Variants in VWDE observed in about 807,000 individuals in gnomAD.
The protein encoded by VWDE is von Willebrand factor D and EGF domains, also known as von Willebrand factor D and EGF domain-containing protein.
Under a neutral mutation model 178.4 loss-of-function variants are expected in VWDE, and 207 were observed. The observed-to-expected ratio is 1.16, with a 90% CI of 1.04 to 1.30. VWDE has a LOEUF of 1.30. Among genes scored for constraint, VWDE ranks in the 50% most tolerant of loss-of-function variants. VWDE has a pLI of 0.00. For missense variants in VWDE, 2,287 were observed against 1,901.3 expected (o/e 1.20, Z -3.77); for synonymous variants, 738 against 651.4 (o/e 1.13, Z -2.02).
chr7:12,374,390 A>G (rs1190258468), intron 9 of VWDE, among the ~76,000 whole-genome samples: 1 of 152,078 alleles, frequency 6.6e-6, no homozygotes, highest in African/African-American at 2.4e-5. Context: ...TTTAGAGTAA[A>G]TAATTTAATC....
rs186301866 is a variant in VWDE at position 12,333,499 on chromosome 7, T to C, written c.4724A>G (p.Glu1575Gly). Residue 1575 changes from glutamate to glycine, a missense_variant, in exon 28 of 29, where the codon GAA becomes GGA. Transcript: ENST00000275358. ...CTTCTCACATTTGACTCCAGAGTATTCAGTGCGGCAGGAACACACATTGGG... is the reference window on the plus strand; with the variant it reads ...CTTCTCACATTTGACTCCAGAGTATCCAGTGCGGCAGGAACACACATTGGG... ...IFPNVCSCRT[E>G]YSGVKCEKKI... 950 of 1,550,956 alleles carry C rather than the reference T, an allele frequency of 6.1e-4. 12 individuals are homozygous for C. The African/African-American group carries it at 0.012, about 19-fold the overall frequency.
intron 19 of VWDE, among the ~76,000 whole-genome samples, chr7:12,347,801 T>G (rs536080388): frequency 3.9e-3 from 590 of 152,108 alleles, no homozygotes; most frequent in Non-Finnish European, 6.3e-3. Flanking sequence ...GCTGGAGGCA[T>G]CACACTACCT....
At chr7:12,346,069 A>T (rs1271424446) in intron 19 of VWDE, among the ~76,000 whole-genome samples, 2 of 152,184 alleles carry the variant, frequency 1.3e-5, no homozygotes, top group African/African-American at 4.8e-5. Context: ...GTATCTACAC[A>T]TGTCTAACAT....
At chr7:12,399,912 A>C (rs1784820645) in intron 1 of VWDE, among the ~76,000 whole-genome samples, 1 of 152,196 alleles carries the variant, frequency 6.6e-6, no homozygotes, top group Non-Finnish European at 1.5e-5. Context: ...ATTAGAACTC[A>C]ATAACAATGA....
intron 13 of VWDE, among the ~76,000 whole-genome samples, chr7:12,367,057 TTA>T (rs1465464043): frequency 1.3e-5 from 2 of 152,034 alleles, no homozygotes; most frequent in African/African-American, 4.8e-5. Flanking sequence ...TGTCTCTTCT[TTA>T]TGTTTTTACA....
At chr7:12,389,743 T>G (rs1255494794) in intron 2 of VWDE, among the ~76,000 whole-genome samples, 1 of 152,160 alleles carries the variant, frequency 6.6e-6, no homozygotes, top group Non-Finnish European at 1.5e-5. Flanking sequence ...CTTGGAAAAC[T>G]CTTGCAAAAT....
Position 12,370,687 on chromosome 7 carries a change from T to TA in VWDE, c.1764dup (p.Asn589Ter). The TA allele has an allele frequency of 1.3e-6, 2 of 1,551,194 alleles. No homozygotes were observed. Among genetic ancestry groups the TA allele is most frequent in the Non-Finnish European group, 1.7e-6 (2 of 1,146,684 alleles). ...TCATTAATAAAAGCAACATAATTGT[T>TA]AAAATTTTGATCAATTTGCATCCCA... On this transcript the variant is annotated frameshift_variant, in exon 11 of 29. Transcript: ENST00000275358. LOFTEE classifies it high-confidence loss of function.
At chr7:12,336,411 G>T (rs1334644397) in intron 26 of VWDE, among the ~76,000 whole-genome samples, 175 bp from the exon 27 acceptor site, 1 of 152,162 alleles carries the variant, frequency 6.6e-6, no homozygotes. Context: ...CATATTCTTG[G>T]AAAATGTGAC....
intron 10 of VWDE, 60 bp downstream of exon 10, chr7:12,372,917 G>A (rs903817581): frequency 6.9e-7 from 1 of 1,443,364 alleles, no homozygotes; most frequent in African/African-American, 1.4e-5. Context: ...ATTTAATAGA[G>A]ATGTTTATCT....
Position 12,369,827 on chromosome 7 carries a change from G to A in VWDE, c.2479C>T (p.Leu827Phe). The A allele has an allele frequency of 1.3e-6, 2 of 1,551,472 alleles. No homozygotes were observed. The highest frequency in any genetic ancestry group is 1.7e-6 in the Non-Finnish European group (2 of 1,146,890). The change falls in exon 12 of 29, where the codon CTT (leucine) becomes TTT (phenylalanine). Residue 827 changes from leucine (L) to phenylalanine (F), a missense_variant. Leu to Phe is a conservative substitution (Grantham distance 22). Transcript: ENST00000275358. The stretch of plus-strand genomic sequence containing the variant: ...ATAACACTGTCTAATCTCTTGCCAA[G>A]AAAAGCAAGACACAGCCTTCCTATG... ...SSIGRLCLAFLGKRLDSVIEM... is the reference protein window; with the variant it reads ...SSIGRLCLAFFGKRLDSVIEM...
intron 7 of VWDE, among the ~76,000 whole-genome samples, chr7:12,377,030 AT>A (rs1172455218): frequency 1.3e-5 from 2 of 152,078 alleles, no homozygotes; most frequent in Non-Finnish European, 2.9e-5. Flanking sequence ...GTGAAAATGT[AT>A]GTGGTATGCC....
chr7:12,403,096 C>T (rs1784985782), intron 1 of VWDE, among the ~76,000 whole-genome samples: 1 of 152,028 alleles, frequency 6.6e-6, no homozygotes, highest in East Asian at 1.9e-4. Context: ...GGGGAGTATT[C>T]GCTCCACAGA....
Position 12,370,462 on chromosome 7 carries a change from G to A in VWDE, c.1844C>T (p.Thr615Ile). 6.5e-7 allele frequency: 1 copy of A among 1,542,456 alleles called. No individual in the cohort carries two copies. Among genetic ancestry groups the A allele is most frequent in the Non-Finnish European group, 8.7e-7 (1 of 1,146,602 alleles). ...ACAATAGGATGGCTTTCCAGGTGAT[G>A]TCATAGAAACTGGCAGTGTGTCAGA... ...SMSDTLPVSM[T>I]SPGKPSYCSC... The change falls in exon 12 of 29, where the codon ACA becomes ATA. Residue 615 changes from threonine (T) to isoleucine (I), a missense_variant. Coordinates refer to ENST00000275358, the MANE Select transcript of VWDE (RefSeq NM_001135924.3).
intron 3 of VWDE, among the ~76,000 whole-genome samples, chr7:12,387,406 C>A (rs1784155987): frequency 6.6e-6 from 1 of 151,864 alleles, no homozygotes; most frequent in Non-Finnish European, 1.5e-5. Flanking sequence ...ATTATTTTTG[C>A]TGACATTAAG....
At position 12,360,140 on chromosome 7, in the gene VWDE, CT is replaced by C. The variant is rs1364712768; in HGVS notation, c.3160-449del. On this transcript the variant is annotated intron_variant, in intron 15 of 28. Transcript: ENST00000275358. ...GTGAACACAGCCAACTAGACCAGAT[CT>C]TTGGCATAATTATATCCACACTTGA... Among the ~76,000 whole-genome samples, 8 of 152,108 alleles carry C rather than the reference CT, an allele frequency of 5.3e-5. 1 individual carries two copies. Among genetic ancestry groups the C allele is most frequent in the Admixed American group, 5.2e-4 (8 of 15,266 alleles).
At chr7:12,340,757 C>T (rs1011347705) in intron 23 of VWDE, among the ~76,000 whole-genome samples, 2 of 152,116 alleles carry the variant, frequency 1.3e-5, no homozygotes, top group Admixed American at 1.3e-4. Context: ...CTTCACTAAG[C>T]TAGAAGAAAC....
chr7:12,374,509 A>T (rs974462461), intron 9 of VWDE, among the ~76,000 whole-genome samples, 180 bp downstream of exon 9: 1 of 152,114 alleles, frequency 6.6e-6, no homozygotes, highest in Non-Finnish European at 1.5e-5. Context: ...ACTAAGAATT[A>T]GATTTTAAGG....
intron 24 of VWDE, among the ~76,000 whole-genome samples, chr7:12,338,408 ATATT>A (rs1438328384): frequency 6.6e-6 from 1 of 151,854 alleles, no homozygotes; most frequent in Non-Finnish European, 1.5e-5. Context: ...TAGAAAATAT[ATATT>A]CTTTCTACTA....
At chr7:12,385,971 T>C (rs1257158142) in intron 3 of VWDE, among the ~76,000 whole-genome samples, 1 of 152,164 alleles carries the variant, frequency 6.6e-6, no homozygotes, top group Non-Finnish European at 1.5e-5. Flanking sequence ...TGTCATAAAA[T>C]GCAAATTTTA....
Sources: gnomAD v4.1 joint callset for allele counts (sites outside exome capture counted in the v4.1 genomes callset) on GRCh38, gnomAD v4.1.1 for gene constraint, MANE v1.5 for transcripts, NCBI Gene and HGNC (gene_info 2026-07-23, HGNC 2026-07-21) for gene names.